ARK2C: variants seen among roughly 807,000 people sequenced by gnomAD.
ARK2C encodes E3 ubiquitin-protein ligase ARK2C.
chr18:46,369,968 C>T, the ARK2C span, among the ~76,000 whole-genome samples: 2 of 152,250 alleles, frequency 1.3e-5, no homozygotes, highest in Admixed American at 1.3e-4. Flanking sequence ...CACACATGCA[C>T]ACACACGCAC....
chr18:46,389,398 ACT>A, the ARK2C span, among the ~76,000 whole-genome samples: 1 of 152,222 alleles, frequency 6.6e-6, no homozygotes, highest in South Asian at 2.1e-4. Flanking sequence ...ACAGACTCAC[ACT>A]GTTTTAGGAA....
chr18:46,390,712 G>C, the ARK2C span, among the ~76,000 whole-genome samples: 1 of 152,296 alleles, frequency 6.6e-6, no homozygotes, highest in East Asian at 1.9e-4. Flanking sequence ...AGATACAAAG[G>C]AAATGTGGGA....
chr18:46,453,511 A>T, the ARK2C span, among the ~76,000 whole-genome samples: 140 of 152,294 alleles, frequency 9.2e-4, no homozygotes, highest in Non-Finnish European at 1.9e-3. Context: ...AAAGGAGAAT[A>T]AAAAGAATTA....
At chr18:46,420,990 CCCAATGCCAT>C in the ARK2C span, among the ~76,000 whole-genome samples, 2,447 of 152,276 alleles carry the variant, frequency 0.016, 66 homozygotes, top group African/African-American at 0.056. Context: ...GCAAAAGCCA[CCCAATGCCAT>C]CCACAGTGCA....
At chr18:46,389,930 T>C in the ARK2C span, among the ~76,000 whole-genome samples, 7 of 152,156 alleles carry the variant, frequency 4.6e-5, no homozygotes, top group Non-Finnish European at 8.8e-5. Context: ...GGTTTTGCCA[T>C]GTTGCCCAGG....
At chr18:46,432,695 C>T in the ARK2C span, among the ~76,000 whole-genome samples, 4 of 152,230 alleles carry the variant, frequency 2.6e-5, no homozygotes, top group Admixed American at 1.3e-4. Flanking sequence ...CGGTGGCTCA[C>T]GCCTGTAATC....
chr18:46,420,485 C>G, the ARK2C span, among the ~76,000 whole-genome samples: 10 of 152,188 alleles, frequency 6.6e-5, no homozygotes, highest in African/African-American at 2.2e-4. Flanking sequence ...TGAACTGGGT[C>G]CCCTCCTTTT....
At chr18:46,356,413 G>T in the ARK2C span, among the ~76,000 whole-genome samples, 1 of 152,070 alleles carries the variant, frequency 6.6e-6, no homozygotes, top group African/African-American at 2.4e-5. Context: ...AGTGGGGGTG[G>T]GGAGGTGCTT....
At chr18:46,438,301 G>C in the ARK2C span, among the ~76,000 whole-genome samples, 1 of 152,200 alleles carries the variant, frequency 6.6e-6, no homozygotes, top group African/African-American at 2.4e-5. Context: ...CTTTGAGTCA[G>C]GTCCTGGTCA....
chr18:46,423,030 C>A, the ARK2C span, among the ~76,000 whole-genome samples: 5 of 152,340 alleles, frequency 3.3e-5, no homozygotes, highest in South Asian at 1.0e-3. Flanking sequence ...TGCTGTCCAT[C>A]ATCAGAGTCC....
the ARK2C span, chr18:46,456,879 G>A: frequency 2.2e-5 from 11 of 497,368 alleles, no homozygotes; most frequent in African/African-American, 1.4e-4. Context: ...GGGAGCTGGC[G>A]GTGCCCAGCG....
At chr18:46,371,332 G>A in the ARK2C span, among the ~76,000 whole-genome samples, 1 of 152,130 alleles carries the variant, frequency 6.6e-6, no homozygotes, top group Non-Finnish European at 1.5e-5. Flanking sequence ...CAACGAGATG[G>A]CCCACTGCAA....
At chr18:46,371,652 C>G in the ARK2C span, among the ~76,000 whole-genome samples, 2 of 152,234 alleles carry the variant, frequency 1.3e-5, no homozygotes, top group African/African-American at 4.8e-5. Context: ...TGATAAGCCT[C>G]TCTGGGAAAT....
the ARK2C span, among the ~76,000 whole-genome samples, chr18:46,395,908 G>T: frequency 3.3e-5 from 5 of 152,304 alleles, no homozygotes; most frequent in Non-Finnish European, 7.3e-5. Flanking sequence ...TAGTTCTTCC[G>T]ATCTCATTTA....
chr18:46,347,900 G>T, the ARK2C span, among the ~76,000 whole-genome samples: 3 of 152,144 alleles, frequency 2.0e-5, no homozygotes, highest in African/African-American at 7.2e-5. Flanking sequence ...CATACCCACT[G>T]AGCACCTGTG....
the ARK2C span, among the ~76,000 whole-genome samples, chr18:46,338,924 C>T: frequency 0.018 from 2,772 of 152,316 alleles, 85 homozygotes; most frequent in African/African-American, 0.063. Context: ...CTGACCACAG[C>T]GCTTCCTTGC....
the ARK2C span, among the ~76,000 whole-genome samples, chr18:46,441,541 A>G: frequency 2.0e-5 from 3 of 152,146 alleles, no homozygotes; most frequent in Non-Finnish European, 4.4e-5. Flanking sequence ...TCTCTCTTTC[A>G]TTCTTGATCA....
the ARK2C span, among the ~76,000 whole-genome samples, chr18:46,417,146 T>C: frequency 6.6e-6 from 1 of 152,216 alleles, no homozygotes; most frequent in African/African-American, 2.4e-5. Context: ...AAATGAAATA[T>C]ATTTTGGATC....
At chr18:46,414,378 G>T in the ARK2C span, among the ~76,000 whole-genome samples, 2 of 152,192 alleles carry the variant, frequency 1.3e-5, no homozygotes, top group African/African-American at 4.8e-5. Context: ...AGGCAGACCT[G>T]ACTAACCCCA....
Sources: gnomAD v4.1 joint callset for allele counts (sites outside exome capture counted in the v4.1 genomes callset) on GRCh38, gnomAD v4.1.1 for gene constraint, MANE v1.5 for transcripts, NCBI Gene and HGNC (gene_info 2026-07-23, HGNC 2026-07-21) for gene names.